Variants in KCNIP1 observed in about 807,000 individuals in gnomAD.
The protein encoded by KCNIP1 is potassium voltage-gated channel interacting protein 1.
KCNIP1 carries 18 observed loss-of-function variants against 33.0 expected under a neutral mutation model. The ratio of observed to expected loss-of-function variants is 0.55; its 90% CI spans 0.38 to 0.81. The LOEUF (loss-of-function observed/expected upper bound fraction) is 0.81. Ranked by LOEUF, KCNIP1 falls within the 30% of genes least tolerant of loss-of-function variation. The pLI, the probability that KCNIP1 is intolerant of heterozygous loss-of-function variation, is 0.00. For missense variants in KCNIP1, 238 were observed against 271.6 expected (o/e 0.88, Z 0.87); for synonymous variants, 93 against 98.3 (o/e 0.95, Z 0.32).
At chr5:170,462,576 T>C (rs1756528687) in intron 1 of KCNIP1, among the ~76,000 whole-genome samples, 1 of 152,160 alleles carries the variant, frequency 6.6e-6, no homozygotes, top group Non-Finnish European at 1.5e-5. Flanking sequence ...GTGTGGAGAT[T>C]CCTTAAAGTA....
chr5:170,644,043 T>C (rs1483150458), intron 1 of KCNIP1, among the ~76,000 whole-genome samples: 1 of 152,226 alleles, frequency 6.6e-6, no homozygotes, highest in Non-Finnish European at 1.5e-5. Context: ...TCCCAGATAG[T>C]GCTGACCCGA....
At position 170,504,685 on chromosome 5, in the gene KCNIP1, C is replaced by T. The variant is rs567455881; in HGVS notation, c.61+52C>T. On this transcript the variant is annotated intron_variant, in intron 1 of 7. Transcript: ENST00000328939. This position sits in a 1 kb window ranked among gnomAD's most constrained non-coding sequence, Gnocchi z 6.0. ...CCTGTCTGGGCTTGGGGGTGCTAGG[C>T]GCCGAGGTGGGCTGTGCCACCTGCC... 2.6e-6 allele frequency: 4 copies of T among 1,511,208 alleles called. No individual in the cohort carries two copies. In the East Asian group the frequency reaches 6.8e-5, roughly 26 times the overall value. 93.6% of individuals were successfully genotyped at this position (1,511,208 alleles called of 1,614,324 possible). A position where few individuals can be genotyped will look rare whatever the true frequency, so the allele number is the denominator to read the frequency against.
chr5:170,410,084 G>A (rs1287361225), intron 1 of KCNIP1, among the ~76,000 whole-genome samples: 1 of 152,228 alleles, frequency 6.6e-6, no homozygotes, highest in Admixed American at 6.5e-5. Context: ...GGAATCCTGG[G>A]CAAAGCCATC....
chr5:170,364,819 A>G (rs1763613490), intron 1 of KCNIP1, among the ~76,000 whole-genome samples: 1 of 152,350 alleles, frequency 6.6e-6, no homozygotes, highest in Non-Finnish European at 1.5e-5. Context: ...ATGTCTTGAT[A>G]CACACATAGA....
At chr5:170,451,421 C>T (rs878877812) in intron 1 of KCNIP1, among the ~76,000 whole-genome samples, 1 of 152,038 alleles carries the variant, frequency 6.6e-6, no homozygotes, top group Admixed American at 6.6e-5. Flanking sequence ...GTAAGTTCTT[C>T]GTAACACCCT....
intron 1 of KCNIP1, among the ~76,000 whole-genome samples, chr5:170,603,406 A>G (rs1478021108): frequency 1.3e-5 from 2 of 152,198 alleles, no homozygotes; most frequent in Non-Finnish European, 2.9e-5. Flanking sequence ...ATCGTTTTCC[A>G]TTAACGGATT....
chr5:170,588,856 C>T (rs1333327047), intron 1 of KCNIP1, among the ~76,000 whole-genome samples: 4 of 152,078 alleles, frequency 2.6e-5, no homozygotes, highest in Non-Finnish European at 5.9e-5. Flanking sequence ...GCTCTTTACC[C>T]TCCTCTGTTT....
At chr5:170,462,076 C>A (rs914121730) in intron 1 of KCNIP1, among the ~76,000 whole-genome samples, 3 of 151,902 alleles carry the variant, frequency 2.0e-5, no homozygotes, top group African/African-American at 4.8e-5. Flanking sequence ...TAACCAAGAA[C>A]CAAAAGCAAA....
intron 1 of KCNIP1, among the ~76,000 whole-genome samples, chr5:170,566,029 GTAT>G (rs574818051): frequency 1.3e-5 from 2 of 152,018 alleles, no homozygotes; most frequent in Non-Finnish European, 2.9e-5. Context: ...TGAACTATCT[GTAT>G]TATTATTATT....
At chr5:170,542,301 G>A (rs190662385) in intron 1 of KCNIP1, among the ~76,000 whole-genome samples, 1 of 152,308 alleles carries the variant, frequency 6.6e-6, no homozygotes, top group East Asian at 1.9e-4. Context: ...CTCAGGTGAA[G>A]ATATGGATTG....
intron 1 of KCNIP1, chr5:170,376,361 C>T (rs1349795277): frequency 6.6e-6 from 1 of 151,866 alleles, no homozygotes; most frequent in Non-Finnish European, 1.5e-5. Context: ...GACAGGGTTT[C>T]ACCGTGTTAG....
At chr5:170,596,411 C>T (rs1437784593) in intron 1 of KCNIP1, among the ~76,000 whole-genome samples, 1 of 152,228 alleles carries the variant, frequency 6.6e-6, no homozygotes, top group African/African-American at 2.4e-5. Flanking sequence ...CCACGCCAGA[C>T]TGCAGTGTTG....
chr5:170,471,168 C>G (rs542620433), intron 1 of KCNIP1, among the ~76,000 whole-genome samples: 82 of 152,278 alleles, frequency 5.4e-4, no homozygotes, highest in African/African-American at 1.9e-3. Flanking sequence ...GAGAGGAGTG[C>G]CTGGCAGGCT....
At chr5:170,528,540 G>A (rs1355904674) in intron 1 of KCNIP1, among the ~76,000 whole-genome samples, 2 of 152,194 alleles carry the variant, frequency 1.3e-5, no homozygotes, top group East Asian at 1.9e-4. Context: ...TCCTCCTGAG[G>A]GATCAAGAAG....
intron 1 of KCNIP1, among the ~76,000 whole-genome samples, chr5:170,636,758 G>A (rs1207720840): frequency 6.6e-6 from 1 of 152,112 alleles, no homozygotes; most frequent in African/African-American, 2.4e-5. Context: ...TGAGGTGAGA[G>A]CAAGCATTTA....
At chr5:170,731,098 C>A (rs762783952) in intron 5 of KCNIP1, among the ~76,000 whole-genome samples, 6 of 152,096 alleles carry the variant, frequency 3.9e-5, no homozygotes, top group Non-Finnish European at 2.9e-5. Flanking sequence ...ATCAGGCAAA[C>A]ACTACAGTAA....
chr5:170,545,116 A>C (rs1231042551), intron 1 of KCNIP1, among the ~76,000 whole-genome samples: 1 of 151,870 alleles, frequency 6.6e-6, no homozygotes, highest in African/African-American at 2.4e-5. Flanking sequence ...AAATGTCTTT[A>C]TTTTGTTTCA....
rs78569882 is a variant in KCNIP1, at chr5:170,705,099, G to A, written c.62-13659G>A. Among the ~76,000 whole-genome samples, 54 of 152,298 alleles carry A rather than the reference G, an allele frequency of 3.5e-4. 1 individual carries two copies. The East Asian group carries it at 8.3e-3, about 23-fold the overall frequency. ...ACAGAACTATTATCGCCATAAAGTTGCACATAAAATATGCCCAATTGTGAT... is the reference window on the plus strand; with the variant it reads ...ACAGAACTATTATCGCCATAAAGTTACACATAAAATATGCCCAATTGTGAT... On this transcript the variant is annotated intron_variant, in intron 1 of 7. Transcript: ENST00000328939.
At chr5:170,418,346 G>A (rs1411403111) in intron 1 of KCNIP1, among the ~76,000 whole-genome samples, 1 of 152,192 alleles carries the variant, frequency 6.6e-6, no homozygotes, top group Admixed American at 6.5e-5. Context: ...CAGGAAAATT[G>A]CTTGAACCCA....
Sources: allele counts gnomAD v4.1 joint callset (sites outside exome capture counted in the v4.1 genomes callset), GRCh38; gene constraint gnomAD v4.1.1; non-coding constraint Gnocchi (gnomAD v3.1); transcripts MANE v1.5; gene names NCBI Gene and HGNC (gene_info 2026-07-23, HGNC 2026-07-21).